Variants in PLEKHM3 observed in about 807,000 individuals in gnomAD.
PLEKHM3 encodes pleckstrin homology domain-containing family M member 3.
In PLEKHM3, 45 loss-of-function variants were observed where a neutral mutation model predicts 81.8. The ratio of observed to expected loss-of-function variants is 0.55; its 90% CI spans 0.43 to 0.71. The LOEUF (loss-of-function observed/expected upper bound fraction) is 0.71. Among genes scored for constraint, PLEKHM3 ranks in the 30% least tolerant of loss-of-function variants. PLEKHM3 has a pLI of 0.00. For missense variants in PLEKHM3, 788 were observed against 924.3 expected, an observed-to-expected ratio of 0.85 and a Z score of 1.91; for synonymous variants, 352 against 356.4, an observed-to-expected ratio of 0.99 and a Z score of 0.14.
chr2:207,971,217 A>G (rs1292951993), intron 3 of PLEKHM3, among the ~76,000 whole-genome samples: 1 of 152,224 alleles, frequency 6.6e-6, no homozygotes, highest in African/African-American at 2.4e-5. Flanking sequence ...GATTGCTAGG[A>G]AATTATAGGA....
chr2:207,845,180 TA>T (rs754752844), intron 7 of PLEKHM3, among the ~76,000 whole-genome samples: 21 of 152,232 alleles, frequency 1.4e-4, no homozygotes, highest in Non-Finnish European at 2.5e-4. Flanking sequence ...ATTAGATACT[TA>T]AAAAAGATTT....
rs1031191499 is a variant in PLEKHM3 at position 207,825,135 on chromosome 2, C to T, written c.*3184G>A. The T allele has an allele frequency of 1.5e-4, 23 of 152,156 alleles. No individual in the cohort carries two copies. The allele number at this position is 152,156 out of a possible 1,614,324, so 9.4% of individuals were successfully genotyped here. ...AGCGGGCCTGGAAAGAACACTACCC[C>T]CATTCCAGTTGACGGCTTTTTAAGT... On this transcript the variant is annotated 3_prime_UTR_variant, in exon 8 of 8. Transcript: ENST00000427836.
chr2:207,861,351 A>C (rs908003983), intron 6 of PLEKHM3, 89 bp from the exon 7 acceptor site: 18 of 1,291,060 alleles, frequency 1.4e-5, no homozygotes, highest in Non-Finnish European at 1.8e-5. Flanking sequence ...CCTTTCCTTT[A>C]CACAACAGGA....
intron 4 of PLEKHM3, among the ~76,000 whole-genome samples, chr2:207,944,990 G>T: frequency 6.6e-6 from 1 of 152,050 alleles, no homozygotes; most frequent in Middle Eastern, 3.4e-3. Context: ...GTCTATTCTT[G>T]TTTCTTGTTT....
intron 6 of PLEKHM3, among the ~76,000 whole-genome samples, chr2:207,864,999 C>T (rs1424843542): frequency 6.6e-6 from 1 of 152,132 alleles, no homozygotes; most frequent in East Asian, 1.9e-4. Context: ...TGTGCATTTA[C>T]TATATGACAA....
At position 207,829,918 on chromosome 2, in the gene PLEKHM3, C is replaced by T. The variant is rs527325240; in HGVS notation, c.2109-1422G>A. Among the ~76,000 whole-genome samples, 149 of 152,268 alleles carry T rather than the reference C, an allele frequency of 9.8e-4. 1 individual carries two copies. Among genetic ancestry groups the T allele is most frequent in the Non-Finnish European group, 1.5e-3 (101 of 68,028 alleles). ...AGTCTGCCACTGACTTACCCCACCA[C>T]CATTCAGGACCCAGAGGGCTTAGTG... On this transcript the variant is annotated intron_variant, in intron 7 of 7. Transcript: ENST00000427836.
intron 6 of PLEKHM3, among the ~76,000 whole-genome samples, chr2:207,867,636 AC>A (rs1401516363): frequency 6.6e-6 from 1 of 152,152 alleles, no homozygotes; most frequent in East Asian, 1.9e-4. Context: ...ACATAGACAC[AC>A]ACACACACAA....
At chr2:207,921,862 G>C (rs960274930) in intron 5 of PLEKHM3, among the ~76,000 whole-genome samples, 7 of 152,142 alleles carry the variant, frequency 4.6e-5, no homozygotes, top group African/African-American at 1.7e-4. Context: ...TGGCTGAATG[G>C]TACTTCATTG....
intron 6 of PLEKHM3, among the ~76,000 whole-genome samples, chr2:207,888,926 T>G (rs766475857): frequency 2.0e-5 from 3 of 152,294 alleles, no homozygotes; most frequent in African/African-American, 7.2e-5. Context: ...GGGTACGAAA[T>G]CAAAATGAGT....
At chr2:207,982,987 G>A (rs1691588136) in intron 2 of PLEKHM3, among the ~76,000 whole-genome samples, 1 of 151,804 alleles carries the variant, frequency 6.6e-6, no homozygotes, top group Non-Finnish European at 1.5e-5. Context: ...CATGTTATCA[G>A]TAAGGTTTCT....
At chr2:207,874,093 TA>T (rs1220256147) in intron 6 of PLEKHM3, among the ~76,000 whole-genome samples, 1 of 152,208 alleles carries the variant, frequency 6.6e-6, no homozygotes, top group Non-Finnish European at 1.5e-5. Flanking sequence ...ATTTCTAGAA[TA>T]TTATCTGTTG....
At chr2:207,973,772 G>A (rs185746557) in intron 3 of PLEKHM3, among the ~76,000 whole-genome samples, 1 of 137,374 alleles carries the variant, frequency 7.3e-6, no homozygotes, top group Non-Finnish European at 1.5e-5. Flanking sequence ...GAAAACCAGA[G>A]TTCAAGTGCT....
chr2:207,828,603 G>T, intron 7 of PLEKHM3, 107 bp from the exon 8 acceptor site: 1 of 1,065,428 alleles, frequency 9.4e-7, no homozygotes, highest in Non-Finnish European at 1.3e-6. Flanking sequence ...TACTGTTCTG[G>T]ACAACCCTGC....
intron 2 of PLEKHM3, among the ~76,000 whole-genome samples, chr2:207,995,385 T>A (rs1185923861): frequency 2.0e-5 from 3 of 152,226 alleles, no homozygotes; most frequent in Non-Finnish European, 2.9e-5. Context: ...ATTATCGTAC[T>A]GATCCCCACC....
At chr2:207,941,574 GGGTAA>G in intron 4 of PLEKHM3, among the ~76,000 whole-genome samples, 1 of 152,260 alleles carries the variant, frequency 6.6e-6, no homozygotes, top group Middle Eastern at 3.4e-3. Context: ...AAGATTATTT[GGGTAA>G]GACCTCAAAA....
chr2:207,964,439 G>T (rs951271483), intron 3 of PLEKHM3, among the ~76,000 whole-genome samples: 1 of 152,148 alleles, frequency 6.6e-6, no homozygotes, highest in African/African-American at 2.4e-5. Context: ...CTGGGGCCCT[G>T]CCCTCACAAA....
intron 6 of PLEKHM3, among the ~76,000 whole-genome samples, chr2:207,875,650 G>C (rs114833614): frequency 2.0e-5 from 3 of 152,166 alleles, no homozygotes; most frequent in African/African-American, 7.2e-5. Flanking sequence ...TGGCCAGATT[G>C]AAAACACACA....
rs149715413 is a variant in PLEKHM3, at chr2:207,830,695, T to TAAGTGTCCTTAG, written c.2109-2211_2109-2200dup. On this transcript the variant is annotated intron_variant, in intron 7 of 7. Coordinates refer to ENST00000427836, the MANE Select transcript of PLEKHM3 (RefSeq NM_001080475.3). ...GTCCTTAGAAGAAGGACACTTCTTCTAAGTGTCCTTAGAAGTGTCCTTAGA... is the reference window on the plus strand; with the variant it reads ...GTCCTTAGAAGAAGGACACTTCTTCTAAGTGTCCTTAGAAGTGTCCTTAGAAGTGTCCTTAGA... 1.5e-4 allele frequency among the ~76,000 whole-genome samples: 3 copies of TAAGTGTCCTTAG among 20,190 alleles called. No individual in the cohort carries two copies. In the East Asian group the frequency reaches 1.7e-3, roughly 12 times the overall value. The allele number at this position is 20,190 out of a possible 152,430, so 13.2% of individuals were successfully genotyped here.
intron 5 of PLEKHM3, among the ~76,000 whole-genome samples, chr2:207,916,609 A>G (rs1273941075): frequency 1.3e-5 from 2 of 152,092 alleles, no homozygotes; most frequent in Non-Finnish European, 2.9e-5. Context: ...TTAGCTGGGT[A>G]TGGTGGCTCA....
Sources: gnomAD v4.1 joint callset for allele counts (sites outside exome capture counted in the v4.1 genomes callset) on GRCh38, gnomAD v4.1.1 for gene constraint, MANE v1.5 for transcripts, NCBI Gene and HGNC (gene_info 2026-07-23, HGNC 2026-07-21) for gene names.